The following ANKS1B variants were observed in gnomAD, a reference collection of about 807,000 sequenced individuals.
ANKS1B encodes ankyrin repeat and sterile alpha motif domain containing 1B.
A neutral mutation model predicts 148.3 loss-of-function variants in ANKS1B; 36 were observed. The ratio of observed to expected loss-of-function variants is 0.24; its 90% CI spans 0.19 to 0.32. The LOEUF is 0.32. Among genes scored for constraint, ANKS1B ranks in the 10% least tolerant of loss-of-function variants. ANKS1B has a pLI of 1.00. For missense variants in ANKS1B, 1,157 were observed against 1,542.6 expected, an observed-to-expected ratio of 0.75 and a Z score of 4.19; for synonymous variants, 542 against 560.8, an observed-to-expected ratio of 0.97 and a Z score of 0.47.
At chr12:99,470,526 G>A (rs191111708) in intron 10 of ANKS1B, among the ~76,000 whole-genome samples, 4 of 152,122 alleles carry the variant, frequency 2.6e-5, no homozygotes, top group Non-Finnish European at 5.9e-5. Flanking sequence ...TCATTAGTAG[G>A]CAAAACTCCT....
chr12:99,287,046 T>C (rs1332320874), intron 12 of ANKS1B, among the ~76,000 whole-genome samples: 2 of 152,134 alleles, frequency 1.3e-5, no homozygotes, highest in African/African-American at 4.8e-5. Flanking sequence ...CTTTGAGTCT[T>C]GAGTGAGCAT....
chr12:98,895,103 G>T, intron 17 of ANKS1B: 1 of 983,296 alleles, frequency 1.0e-6, no homozygotes, highest in Non-Finnish European at 1.2e-6. Context: ...CGGGGGGGAG[G>T]TGTCGGCTTG....
intron 1 of ANKS1B, among the ~76,000 whole-genome samples, chr12:99,911,288 A>G (rs2153787091): frequency 6.6e-6 from 1 of 152,342 alleles, no homozygotes; most frequent in East Asian, 1.9e-4. Context: ...GAAAAATCCC[A>G]GAACCAAAAG....
intron 11 of ANKS1B, among the ~76,000 whole-genome samples, chr12:99,415,956 T>TA (rs1206179677): frequency 2.0e-5 from 3 of 152,052 alleles, no homozygotes; most frequent in African/African-American, 7.2e-5. Context: ...GTGCTGGAAT[T>TA]ACAGGCGTGA....
At chr12:98,804,549 C>T (rs908392149) in intron 20 of ANKS1B, among the ~76,000 whole-genome samples, 9 of 152,018 alleles carry the variant, frequency 5.9e-5, no homozygotes, top group East Asian at 3.9e-4. Flanking sequence ...ATTACACTGT[C>T]GTAAAGGACA....
chr12:99,722,269 T>C (rs2133877), intron 8 of ANKS1B, among the ~76,000 whole-genome samples: 64,352 of 152,050 alleles, frequency 0.42, 14,049 homozygotes, highest in South Asian at 0.57. Flanking sequence ...AAGATTCCAT[T>C]TAGGACTCTC....
At chr12:98,901,867 T>G (rs1476713748) in intron 17 of ANKS1B, among the ~76,000 whole-genome samples, 1 of 152,128 alleles carries the variant, frequency 6.6e-6, no homozygotes, top group African/African-American at 2.4e-5. Flanking sequence ...GGCTCTTCCT[T>G]ATACTCAAGG....
At position 99,471,548 on chromosome 12, in the gene ANKS1B, C is replaced by G. The variant is rs547861840; in HGVS notation, c.1439-27739G>C. Among the ~76,000 whole-genome samples, 4 of 151,974 alleles carry G rather than the reference C, an allele frequency of 2.6e-5. No individual in the cohort carries two copies. The South Asian group carries it at 8.3e-4, about 32-fold the overall frequency. Reference sequence around the variant, plus strand: ...TTGCAGAGCTATGATGAGGAACATCCCCAGTTCACACACCACTTGGCAACT... The same window carrying G: ...TTGCAGAGCTATGATGAGGAACATCGCCAGTTCACACACCACTTGGCAACT... On this transcript the variant is annotated intron_variant, in intron 10 of 26. Transcript: ENST00000683438.
At chr12:99,072,866 G>A (rs1216508635) in intron 16 of ANKS1B, among the ~76,000 whole-genome samples, 1 of 152,172 alleles carries the variant, frequency 6.6e-6, no homozygotes, top group African/African-American at 2.4e-5. Context: ...GACCTTGTAA[G>A]TCTTGCTTCC....
intron 5 of ANKS1B, 134 bp from the exon 6 acceptor site, chr12:99,780,106 T>TACACACACACATACACACACACATGC: frequency 1.5e-6 from 1 of 653,234 alleles, no homozygotes; most frequent in East Asian, 2.8e-5. Flanking sequence ...AATTAAGTTC[T>TACACACACACATACACACACACATGC]ACACACACAC....
intron 17 of ANKS1B, among the ~76,000 whole-genome samples, chr12:99,032,956 G>A (rs2153465641): frequency 6.6e-6 from 1 of 152,306 alleles, no homozygotes; most frequent in Admixed American, 6.5e-5. Flanking sequence ...TCATGGTAGT[G>A]ATATTAAAGA....
intron 16 of ANKS1B, among the ~76,000 whole-genome samples, chr12:99,084,510 C>G (rs1161241039): frequency 1.3e-5 from 2 of 152,126 alleles, no homozygotes; most frequent in Non-Finnish European, 2.9e-5. Context: ...GAGTTCAAGA[C>G]CAGCCTGGCC....
At chr12:99,043,604 A>G (rs996497742) in intron 17 of ANKS1B, among the ~76,000 whole-genome samples, 5 of 152,358 alleles carry the variant, frequency 3.3e-5, no homozygotes, top group African/African-American at 1.2e-4. Flanking sequence ...TTAAGTTCAA[A>G]AAGATTTTCA....
intron 15 of ANKS1B, among the ~76,000 whole-genome samples, chr12:99,146,793 A>G (rs886194871): frequency 1.3e-5 from 2 of 151,902 alleles, no homozygotes; most frequent in South Asian, 2.1e-4. Flanking sequence ...AACATTTCCT[A>G]TGTCTACATG....
chr12:99,109,829 T>G (rs1419545816), intron 15 of ANKS1B, among the ~76,000 whole-genome samples: 1 of 152,300 alleles, frequency 6.6e-6, no homozygotes, highest in African/African-American at 2.4e-5. Flanking sequence ...TACAGCCTCT[T>G]ACAGTGGGGA....
At position 99,259,674 on chromosome 12, in the gene ANKS1B, CTTT is replaced by C. The variant is rs768984473; in HGVS notation, c.1757-12813_1757-12811del. Among the ~76,000 whole-genome samples, 5 of 152,182 alleles carry C rather than the reference CTTT, an allele frequency of 3.3e-5. No individual in the cohort carries two copies. The East Asian group carries it at 9.6e-4, about 29-fold the overall frequency. On this transcript the variant is annotated intron_variant, in intron 12 of 26. Coordinates refer to ENST00000683438, the MANE Select transcript of ANKS1B (RefSeq NM_001352186.2). ...AGACTGTATTACTAAATTATTGTATCTTTTTGGTAGAGTGCCTGATCTGTCTTG... is the reference window on the plus strand; with the variant it reads ...AGACTGTATTACTAAATTATTGTATCTTGGTAGAGTGCCTGATCTGTCTTG...
rs556372798 is a variant in ANKS1B at position 99,334,565 on chromosome 12, C to T, written c.1756+65066G>A. On this transcript the variant is annotated intron_variant, in intron 12 of 26. Transcript: ENST00000683438. ...CCATACACAAATTCAAGTTTGCATG[C>T]CCAGTTCCAAATGCACACCACCATA... Among the ~76,000 whole-genome samples, 3 of 152,132 alleles carry T rather than the reference C, an allele frequency of 2.0e-5. No individual in the cohort carries two copies. The South Asian group carries it at 6.2e-4, about 32-fold the overall frequency.
At chr12:99,875,132 T>C (rs960320920) in intron 1 of ANKS1B, among the ~76,000 whole-genome samples, 1 of 152,194 alleles carries the variant, frequency 6.6e-6, no homozygotes, top group East Asian at 1.9e-4. Context: ...GAGAATCCTT[T>C]AAAAGATATC....
chr12:99,374,379 C>T (rs1054861349), intron 12 of ANKS1B, among the ~76,000 whole-genome samples: 1 of 152,102 alleles, frequency 6.6e-6, no homozygotes, highest in Non-Finnish European at 1.5e-5. Flanking sequence ...CAGAGATGCA[C>T]ATGTTAGGTG....
Sources: gnomAD v4.1 joint callset for allele counts (sites outside exome capture counted in the v4.1 genomes callset) on GRCh38, gnomAD v4.1.1 for gene constraint, MANE v1.5 for transcripts, NCBI Gene and HGNC (gene_info 2026-07-23, HGNC 2026-07-21) for gene names.